ZNF718: variants seen among roughly 807,000 people sequenced by gnomAD.
ZNF718 encodes the protein zinc finger protein 718.
In ZNF718, 3 loss-of-function variants were observed where a neutral mutation model predicts 2.6. That is an observed-to-expected ratio of 1.16 (90% CI 0.53 to 3.01). The LOEUF (loss-of-function observed/expected upper bound fraction) is 3.01. Among genes scored for constraint, ZNF718 ranks in the 30% most tolerant of loss-of-function variants. The probability of loss-of-function intolerance (pLI) is 0.03; values close to 1 mark genes in which losing one functional copy is unlikely to be tolerated. For synonymous variants in ZNF718, 135 were observed against 77.9 expected (o/e 1.73, Z -3.86); for missense variants, 468 against 230.0 (o/e 2.03, Z -6.69).
downstream of ZNF718, among the ~76,000 whole-genome samples, chr4:165,494 A>G (rs1490134265): frequency 6.6e-6 from 1 of 152,172 alleles, no homozygotes; most frequent in Non-Finnish European, 1.5e-5. Context: ...CTTAGAAGAA[A>G]ATGTCTTAGA....
intron 3 of ZNF718, among the ~76,000 whole-genome samples, chr4:153,176 ACT>A (rs1482278640): frequency 4.6e-4 from 48 of 104,934 alleles, no homozygotes; most frequent in African/African-American, 1.5e-3. Flanking sequence ...TATTGAAAAG[ACT>A]CTCTTTCTCC....
At chr4:159,858 A>G (rs1185191357) in intron 3 of ZNF718, among the ~76,000 whole-genome samples, 2 of 152,156 alleles carry the variant, frequency 1.3e-5, no homozygotes, top group African/African-American at 4.8e-5. Flanking sequence ...TGTTATTTGA[A>G]CATGAACTAA....
chr4:145,326 G>A (rs113560141), intron 3 of ZNF718, among the ~76,000 whole-genome samples: 4 of 151,870 alleles, frequency 2.6e-5, no homozygotes, highest in Non-Finnish European at 4.4e-5. Flanking sequence ...CTTCCCTTGC[G>A]TTTTCTTGAA....
In ZNF718 at chr4:199,194, G is replaced by A. The variant is rs567101566; in HGVS notation, c.227-1887G>A. Among the ~76,000 whole-genome samples, 13 of 152,176 alleles carry A rather than the reference G, an allele frequency of 8.5e-5. No individual in the cohort carries two copies. In the South Asian group the frequency reaches 2.7e-3, roughly 32 times the overall value. On this transcript the variant is annotated intron_variant and NMD_transcript_variant, in intron 3 of 4. Transcript: ENST00000642529. Reference sequence around the variant, plus strand: ...TTCATTTTCCTCCTCTGTAAAAGGGGCATAATAACTGTGCCTCCTAGGTTT... The same window carrying A: ...TTCATTTTCCTCCTCTGTAAAAGGGACATAATAACTGTGCCTCCTAGGTTT...
rs1243445055 is a variant in ZNF718, at chr4:133,101, C to T, written c.226+1596C>T. On this transcript the variant is annotated intron_variant, in intron 3 of 3. Coordinates refer to ENST00000510175, the MANE Select transcript of ZNF718 (RefSeq NM_001039127.6). ...CTGAGGTAGGAGAATTGCTTGACCC[C>T]AGGAGGTGGAGTTTGCAGTGAGCTG... is the stretch of plus-strand genomic sequence containing the variant. Among the ~76,000 whole-genome samples the T allele has an allele frequency of 8.0e-5, 7 of 87,654 alleles. 3 individuals carry two copies. Among genetic ancestry groups the T allele is most frequent in the African/African-American group, 2.8e-4 (7 of 24,898 alleles). 57.5% of individuals were successfully genotyped at this position (87,654 alleles called of 152,430 possible). A position where few individuals can be genotyped will look rare whatever the true frequency, so the allele number is the denominator to read the frequency against.
At chr4:191,730 G>C (rs1254934843) in intron 3 of ZNF718, among the ~76,000 whole-genome samples, 3 of 152,126 alleles carry the variant, frequency 2.0e-5, no homozygotes, top group Non-Finnish European at 4.4e-5. Context: ...AAAATATTTT[G>C]AAAAGAAAAA....
rs1434884617 is a variant in ZNF718, at chr4:162,356, C to G, written c.*234C>G. On this transcript the variant is annotated 3_prime_UTR_variant, in exon 4 of 4. Transcript: ENST00000510175. The stretch of plus-strand genomic sequence containing the variant: ...AATATAATTCTTACTGCAGAAAACC[C>G]CTAGGAATATTAAAAGTGTGGCAAA... 5.2e-6 allele frequency: 2 copies of G among 387,842 alleles called. No homozygotes were observed. Among genetic ancestry groups the G allele is most frequent in the Non-Finnish European group, 9.2e-6 (2 of 217,520 alleles). The allele number at this position is 387,842 out of a possible 1,614,324, so 24.0% of individuals were successfully genotyped here. A position where few individuals can be genotyped will look rare whatever the true frequency, so the allele number is the denominator to read the frequency against.
chr4:137,355 G>C (rs1438807675), intron 3 of ZNF718, among the ~76,000 whole-genome samples: 2 of 152,082 alleles, frequency 1.3e-5, no homozygotes, highest in African/African-American at 4.8e-5. Context: ...GATATACTTT[G>C]CATATTTTGA....
rs201386412 is a variant in ZNF718, at chr4:188,295, A to AGCTGT, written c.227-12769_227-12765dup. 4.4e-3 allele frequency among the ~76,000 whole-genome samples: 676 copies of AGCTGT among 152,316 alleles called. 3 individuals carry two copies. Among genetic ancestry groups the AGCTGT allele is most frequent in the African/African-American group, 0.015 (634 of 41,568 alleles). On this transcript the variant is annotated intron_variant and NMD_transcript_variant, in intron 3 of 4. Coordinates refer to the ZNF718 transcript ENST00000642529. ...CAGCCTGGCCATATCTTGGTAAAACAGCTGTGCTGTGCTGTGCTGTGGGGT... is the reference window on the plus strand; with the variant it reads ...CAGCCTGGCCATATCTTGGTAAAACAGCTGTGCTGTGCTGTGCTGTGCTGTGGGGT...
At chr4:182,725 G>T (rs181371122) in intron 3 of ZNF718, among the ~76,000 whole-genome samples, 3 of 151,984 alleles carry the variant, frequency 2.0e-5, no homozygotes, top group African/African-American at 7.2e-5. Context: ...GAGCCACTGC[G>T]TTTGGCTTGC....
intron 3 of ZNF718, among the ~76,000 whole-genome samples, chr4:157,103 CTTTTTT>C (rs199814257): frequency 1.4e-4 from 14 of 103,150 alleles, no homozygotes; most frequent in African/African-American, 4.0e-4. Context: ...TTCTTTCTTT[CTTTTTT>C]TTTTTTTTTT....
At chr4:150,141 G>A (rs1716252304) in intron 3 of ZNF718, 1 of 149,588 alleles carries the variant, frequency 6.7e-6, no homozygotes, top group Non-Finnish European at 1.5e-5. Flanking sequence ...CTAATTTAAT[G>A]TAATGTTCTC....
At position 161,016 on chromosome 4, in the gene ZNF718, T is replaced by A. The variant is rs1442456020; in HGVS notation, c.331T>A (p.Leu111Ile). 1.3e-6 allele frequency: 1 copy of A among 780,808 alleles called. No homozygotes were observed. The highest frequency in any genetic ancestry group is 1.7e-5 in the African/African-American group (1 of 59,136). 48.4% of individuals were successfully genotyped at this position (780,808 alleles called of 1,614,324 possible). A position where few individuals can be genotyped will look rare whatever the true frequency, so the allele number is the denominator to read the frequency against. The change falls in exon 4 of 4, where the codon TTA becomes ATA. Residue 111 changes from leucine to isoleucine, a missense_variant. Leu to Ile is a conservative substitution (Grantham distance 5). Transcript: ENST00000510175. Reference protein sequence around the residue: ...KGHEKRGHENLRKTCKSINEC... With the variant: ...KGHEKRGHENIRKTCKSINEC... ...ACATGAGAAACGTGGACATGAGAAT[T>A]TAAGAAAAACTTGTAAAAGTATAAA...
chr4:124,497 G>C, upstream of ZNF718: 1 of 822,358 alleles, frequency 1.2e-6, no homozygotes, highest in Non-Finnish European at 2.0e-6. Flanking sequence ...CCGGGATCTG[G>C]CGCGGCTTTT....
chr4:130,759 T>G, intron 1 of ZNF718, 29 bp from the exon 2 acceptor site: 1 of 317,908 alleles, frequency 3.1e-6, no homozygotes. Flanking sequence ...AAAAAAGAAT[T>G]CTGTCACTTG....
At chr4:196,234 A>C (rs1553821984) in intron 3 of ZNF718, among the ~76,000 whole-genome samples, 1 of 152,134 alleles carries the variant, frequency 6.6e-6, no homozygotes, top group African/African-American at 2.4e-5. Flanking sequence ...AGCATCTTAC[A>C]CAATGGGAGG....
At chr4:175,802 C>G (rs2108811721) in intron 3 of ZNF718, among the ~76,000 whole-genome samples, 2 of 151,866 alleles carry the variant, frequency 1.3e-5, no homozygotes, top group Middle Eastern at 3.4e-3. Context: ...AACCTCAAAG[C>G]CATAATCTGA....
intron 3 of ZNF718, among the ~76,000 whole-genome samples, chr4:188,330 A>G (rs1560132270): frequency 1.3e-5 from 2 of 152,180 alleles, no homozygotes; most frequent in South Asian, 2.1e-4. Context: ...TCCCTTCCTC[A>G]TTCGGATTGT....
rs972819004 is a variant in ZNF718 at position 149,918 on chromosome 4, G to T, written c.227-10994G>T. On this transcript the variant is annotated intron_variant, in intron 3 of 3. Transcript: ENST00000510175. ...ATTGCCTTCTTAAACATTTTCAATT[G>T]TACGGTCTAGTGATGTTAAGTATAT... is the stretch of plus-strand genomic sequence containing the variant. The T allele has an allele frequency of 2.6e-5, 4 of 152,042 alleles. No homozygotes were observed. In the East Asian group the frequency reaches 7.7e-4, roughly 29 times the overall value. The allele number at this position is 152,042 out of a possible 1,614,324, so 9.4% of individuals were successfully genotyped here.
Sources: gnomAD v4.1 joint callset for allele counts (sites outside exome capture counted in the v4.1 genomes callset) on GRCh38, gnomAD v4.1.1 for gene constraint, MANE v1.5 for transcripts, NCBI Gene and HGNC (gene_info 2026-07-23, HGNC 2026-07-21) for gene names.